Variants in PDZRN4 observed in about 807,000 individuals in gnomAD.
The protein encoded by PDZRN4 is PDZ domain-containing RING finger protein 4.
A neutral mutation model predicts 99.0 loss-of-function variants in PDZRN4; 70 were observed. The observed-to-expected ratio is 0.71, with a 90% CI of 0.58 to 0.86. The LOEUF (loss-of-function observed/expected upper bound fraction) is 0.86, where lower values mean the gene tolerates loss of function less well. Among genes scored for constraint, PDZRN4 ranks in the 40% least tolerant of loss-of-function variants. The probability of loss-of-function intolerance (pLI) is 0.00; values close to 1 mark genes in which losing one functional copy is unlikely to be tolerated. For synonymous variants in PDZRN4, 551 were observed against 501.6 expected (o/e 1.10, Z -1.32); for missense variants, 1,474 against 1,331.2 (o/e 1.11, Z -1.67).
intron 3 of PDZRN4, among the ~76,000 whole-genome samples, chr12:41,427,543 A>T (rs1197603214): frequency 1.3e-5 from 2 of 152,168 alleles, no homozygotes; most frequent in Non-Finnish European, 2.9e-5. Context: ...TTCAAAGTCT[A>T]ACAAGCATCC....
intron 3 of PDZRN4, among the ~76,000 whole-genome samples, chr12:41,204,854 C>A (rs185095601): frequency 1.5e-4 from 23 of 151,938 alleles, no homozygotes; most frequent in Non-Finnish European, 1.5e-5. Context: ...GACACTGGAG[C>A]TTTTTTCAGA....
chr12:41,509,950 G>A, intron 5 of PDZRN4, 37 bp downstream of exon 5: 1 of 1,002,662 alleles, frequency 1.0e-6, no homozygotes, highest in Non-Finnish European at 1.5e-6. Context: ...ATTTCTTCAT[G>A]AAGTTACGGT....
At chr12:41,202,530 A>T (rs1230713552) in intron 3 of PDZRN4, among the ~76,000 whole-genome samples, 2 of 152,062 alleles carry the variant, frequency 1.3e-5, no homozygotes, top group East Asian at 3.9e-4. Flanking sequence ...CCTATGAATT[A>T]TTACAGCCAC....
intron 3 of PDZRN4, among the ~76,000 whole-genome samples, chr12:41,454,112 A>G (rs1193448449): frequency 6.6e-6 from 1 of 151,722 alleles, no homozygotes; most frequent in Non-Finnish European, 1.5e-5. Context: ...TAAATTGACC[A>G]TTGTTGTAAG....
At chr12:41,497,411 T>C (rs1490538375) in intron 3 of PDZRN4, among the ~76,000 whole-genome samples, 1 of 152,158 alleles carries the variant, frequency 6.6e-6, no homozygotes, top group African/African-American at 2.4e-5. Flanking sequence ...GAATTCCTTG[T>C]TACGTTTTAA....
intron 3 of PDZRN4, among the ~76,000 whole-genome samples, chr12:41,405,073 A>G (rs1952335074): frequency 6.6e-6 from 1 of 152,164 alleles, no homozygotes; most frequent in Non-Finnish European, 1.5e-5. Context: ...TTTTTGGCTA[A>G]GTCCCCAAAA....
chr12:41,522,934 G>A (rs1938517382), intron 5 of PDZRN4, among the ~76,000 whole-genome samples: 1 of 151,808 alleles, frequency 6.6e-6, no homozygotes, highest in African/African-American at 2.4e-5. Context: ...TAAATAACTT[G>A]CCCAATAATT....
At chr12:41,329,669 G>A (rs537691604) in intron 3 of PDZRN4, among the ~76,000 whole-genome samples, 1 of 152,120 alleles carries the variant, frequency 6.6e-6, no homozygotes, top group East Asian at 1.9e-4. Context: ...CTAAAATAAT[G>A]ACTACTAAGA....
Position 41,189,073 on chromosome 12 carries a change from C to T in PDZRN4, c.618C>T (p.Phe206=). Residue 206 remains phenylalanine, a synonymous_variant, in exon 1 of 10, where the codon TTC becomes TTT. Coordinates refer to ENST00000402685, the MANE Select transcript of PDZRN4 (RefSeq NM_001164595.2). ...AATACATGGCTCACGTCCGCAACTT[C>T]GTCGGCGACCTCGGTGGCGGCCACC... ...FTQYMAHVRN[F]VGDLGGGHRR... The T allele has an allele frequency of 2.5e-6, 4 of 1,581,422 alleles. No homozygotes were observed. The highest frequency in any genetic ancestry group is 3.4e-6 in the Non-Finnish European group (4 of 1,172,022).
At chr12:41,413,254 A>G (rs1952413650) in intron 3 of PDZRN4, among the ~76,000 whole-genome samples, 1 of 152,192 alleles carries the variant, frequency 6.6e-6, no homozygotes, top group Admixed American at 6.6e-5. Flanking sequence ...ATTGAGTGAA[A>G]TAAGCCAGGA....
chr12:41,322,815 G>A (rs974787204), intron 3 of PDZRN4, among the ~76,000 whole-genome samples: 20 of 151,754 alleles, frequency 1.3e-4, no homozygotes, highest in Admixed American at 9.2e-4. Context: ...TAAAGTTATT[G>A]GAAATATCTT....
intron 3 of PDZRN4, chr12:41,409,371 A>C (rs1254408152): frequency 6.6e-6 from 1 of 152,202 alleles, no homozygotes; most frequent in African/African-American, 2.4e-5. Flanking sequence ...CAAGGTATCT[A>C]TCCTCAAGTT....
At chr12:41,469,540 G>T (rs1031881966) in intron 3 of PDZRN4, among the ~76,000 whole-genome samples, 2 of 152,078 alleles carry the variant, frequency 1.3e-5, no homozygotes, top group Admixed American at 6.5e-5. Context: ...ATTTTTTGAG[G>T]TTTTTTTCTT....
At chr12:41,545,895 G>A (rs913768509) in intron 5 of PDZRN4, among the ~76,000 whole-genome samples, 4 of 151,986 alleles carry the variant, frequency 2.6e-5, no homozygotes, top group Non-Finnish European at 4.4e-5. Flanking sequence ...GAAGAGGTAC[G>A]AGATACCAGA....
chr12:41,477,638 CAT>C lies in PDZRN4; in HGVS notation c.844-28816_844-28815del, dbSNP rs148304924. Among the ~76,000 whole-genome samples the C allele has an allele frequency of 1.8e-3, 270 of 152,208 alleles. 3 individuals are homozygous for C. Among genetic ancestry groups the C allele is most frequent in the African/African-American group, 6.2e-3 (256 of 41,550 alleles). On this transcript the variant is annotated intron_variant, in intron 3 of 9. Coordinates refer to ENST00000402685, the MANE Select transcript of PDZRN4 (RefSeq NM_001164595.2). The stretch of plus-strand genomic sequence containing the variant: ...TCTTTTTACTACAGAACCACAAAAA[CAT>C]AAGCCTTTTTTAGTATGGTTTCAAA...
chr12:41,459,980 A>ATGAAAT lies in PDZRN4; in HGVS notation c.844-46472_844-46467dup, dbSNP rs1347445246. On this transcript the variant is annotated intron_variant, in intron 3 of 9. Coordinates refer to ENST00000402685, the MANE Select transcript of PDZRN4 (RefSeq NM_001164595.2). The stretch of plus-strand genomic sequence containing the variant: ...TGTGACTTGAACAATGCTATTCTGC[A>ATGAAAT]TGAAATTGAGAAATTGCCAGTGTTC... 9.0e-5 allele frequency: 116 copies of ATGAAAT among 1,288,124 alleles called. 1 individual carries two copies. In the African/African-American group the frequency reaches 1.5e-3, roughly 17 times the overall value. The allele number at this position is 1,288,124 out of a possible 1,614,324, so 79.8% of individuals were successfully genotyped here.
Position 41,249,498 on chromosome 12 carries a change from C to G in PDZRN4, c.843+55310C>G, listed in dbSNP as rs138721620. Among the ~76,000 whole-genome samples, 489 of 152,188 alleles carry G rather than the reference C, an allele frequency of 3.2e-3. 11 individuals are homozygous for G. The South Asian group carries it at 0.046, about 14-fold the overall frequency. On this transcript the variant is annotated intron_variant, in intron 3 of 9. Coordinates refer to ENST00000402685, the MANE Select transcript of PDZRN4 (RefSeq NM_001164595.2). ...TAAAGCCTGTGGTCTAGATTTGTTG[C>G]TGAATTGTGAGGATTTGGGGAAGAA...
At chr12:41,434,034 T>C (rs1952607117) in intron 3 of PDZRN4, among the ~76,000 whole-genome samples, 1 of 152,212 alleles carries the variant, frequency 6.6e-6, no homozygotes, top group African/African-American at 2.4e-5. Context: ...CATCCTGACT[T>C]TTTTGGTAAT....
At chr12:41,440,448 A>T (rs938281901) in intron 3 of PDZRN4, among the ~76,000 whole-genome samples, 2 of 152,266 alleles carry the variant, frequency 1.3e-5, no homozygotes, top group Non-Finnish European at 2.9e-5. Flanking sequence ...GACACATAGA[A>T]TGCAGTTTCT....
Sources: allele counts gnomAD v4.1 joint callset (sites outside exome capture counted in the v4.1 genomes callset), GRCh38; gene constraint gnomAD v4.1.1; transcripts MANE v1.5; gene names NCBI Gene and HGNC (gene_info 2026-07-23, HGNC 2026-07-21).